Variants in VSTM2L observed in about 807,000 individuals in gnomAD.
The protein encoded by VSTM2L is V-set and transmembrane domain containing 2 like.
Under a neutral mutation model 19.9 loss-of-function variants are expected in VSTM2L, and 9 were observed. The ratio of observed to expected loss-of-function variants is 0.45; its 90% confidence interval spans 0.27 to 0.79. The LOEUF (loss-of-function observed/expected upper bound fraction) is 0.79. Ranked by LOEUF, VSTM2L falls within the 30% of genes least tolerant of loss-of-function variation. The pLI is 0.15. For synonymous variants in VSTM2L, 127 were observed against 133.8 expected (o/e 0.95, Z 0.35); for missense variants, 286 against 295.5 (o/e 0.97, Z 0.24).
rs769378638 is a variant in VSTM2L, at chr20:37,944,189, C to T, written c.551C>T (p.Pro184Leu). The T allele has an allele frequency of 1.2e-5, 18 of 1,540,430 alleles. No individual in the cohort carries two copies. Among genetic ancestry groups the T allele is most frequent in the South Asian group, 2.4e-5 (2 of 83,668 alleles). Reference sequence around the variant, plus strand: ...GCCCCTCCCGCCGCGCCCGCCCCGCCGCCCCCCAAGCCAGGCAAGGAGCTG... The same window carrying T: ...GCCCCTCCCGCCGCGCCCGCCCCGCTGCCCCCCAAGCCAGGCAAGGAGCTG... Reference protein sequence around the residue: ...PEAPPAAPAPPPPKPGKELRK... With the variant: ...PEAPPAAPAPLPPKPGKELRK... The change falls in exon 4 of 4, where the codon CCG becomes CTG. Residue 184 changes from proline to leucine, a missense_variant. Transcript: ENST00000373461.
At chr20:37,904,320 A>G (rs970771123) in intron 1 of VSTM2L, among the ~76,000 whole-genome samples, 2 of 152,144 alleles carry the variant, frequency 1.3e-5, no homozygotes, top group Non-Finnish European at 2.9e-5. Flanking sequence ...ATCCTTCCAT[A>G]GGGTACCCCC....
chr20:37,927,418 G>T, intron 1 of VSTM2L, among the ~76,000 whole-genome samples: 1 of 152,072 alleles, frequency 6.6e-6, no homozygotes, highest in East Asian at 1.9e-4. Flanking sequence ...GCCTTGCAGT[G>T]TGGCTTGCAT....
In VSTM2L at chr20:37,905,480, C is replaced by T. The variant is rs571243927; in HGVS notation, c.121+2009C>T. 3.3e-5 allele frequency among the ~76,000 whole-genome samples: 5 copies of T among 152,292 alleles called. No homozygotes were observed. In the South Asian group the frequency reaches 1.0e-3, roughly 32 times the overall value. ...GCTGAGGGGGCACAGCTCTGCCCAA[C>T]CAGCTGTAATCTCCCCTCTGCACCC... is the stretch of plus-strand genomic sequence containing the variant. On this transcript the variant is annotated intron_variant, in intron 1 of 3. Transcript: ENST00000373461.
At chr20:37,933,488 C>A in intron 2 of VSTM2L, 51 bp from the exon 3 acceptor site, 1 of 1,491,004 alleles carries the variant, frequency 6.7e-7, no homozygotes, top group Non-Finnish European at 9.3e-7. Context: ...CACCCCCACC[C>A]TGTGCTAACA....
intron 1 of VSTM2L, among the ~76,000 whole-genome samples, chr20:37,919,974 G>A (rs1283791761): frequency 6.6e-6 from 1 of 152,162 alleles, no homozygotes; most frequent in Non-Finnish European, 1.5e-5. Flanking sequence ...GCATAGAGGA[G>A]GGGCTTCCTT....
chr20:37,913,785 T>A (rs535847384), intron 1 of VSTM2L, among the ~76,000 whole-genome samples: 2 of 152,172 alleles, frequency 1.3e-5, no homozygotes, highest in South Asian at 4.2e-4. Context: ...ACCATGTGCA[T>A]GTATTTAGAA....
intron 3 of VSTM2L, among the ~76,000 whole-genome samples, chr20:37,935,907 G>A (rs994477684): frequency 7.6e-5 from 11 of 145,006 alleles, no homozygotes; most frequent in African/African-American, 2.8e-4. Flanking sequence ...TTTTTGAGAT[G>A]GAGTTTCACT....
Position 37,944,797 on chromosome 20 carries a change from T to C in VSTM2L, c.*544T>C, listed in dbSNP as rs530494546. 1 of 986,254 alleles carries C rather than the reference T, an allele frequency of 1.0e-6. No individual in the cohort carries two copies. Among genetic ancestry groups the C allele is most frequent in the South Asian group, 4.7e-5 (1 of 21,282 alleles). The allele number at this position is 986,254 out of a possible 1,614,324, so 61.1% of individuals were successfully genotyped here. A position where few individuals can be genotyped will look rare whatever the true frequency, so the allele number is the denominator to read the frequency against. ...TGGGGCAGTGGCTCTGCAGGGTCACTCATGGAGGCCTAGGGGAACAGCGAG... is the reference window on the plus strand; with the variant it reads ...TGGGGCAGTGGCTCTGCAGGGTCACCCATGGAGGCCTAGGGGAACAGCGAG... On this transcript the variant is annotated 3_prime_UTR_variant, in exon 4 of 4. Coordinates refer to ENST00000373461, the MANE Select transcript of VSTM2L (RefSeq NM_080607.3).
intron 1 of VSTM2L, among the ~76,000 whole-genome samples, chr20:37,905,487 T>G (rs1397598428): frequency 6.6e-6 from 1 of 152,132 alleles, no homozygotes; most frequent in Admixed American, 6.5e-5. Flanking sequence ...CAACCAGCTG[T>G]AATCTCCCCT....
At chr20:37,938,529 G>A (rs1219672046) in intron 3 of VSTM2L, among the ~76,000 whole-genome samples, 1 of 152,208 alleles carries the variant, frequency 6.6e-6, no homozygotes, top group Non-Finnish European at 1.5e-5. Flanking sequence ...TTCTGGCGTG[G>A]CTGGAAGACG....
intron 1 of VSTM2L, among the ~76,000 whole-genome samples, chr20:37,904,217 G>A (rs1007468575): frequency 6.6e-6 from 1 of 152,224 alleles, no homozygotes; most frequent in Non-Finnish European, 1.5e-5. Context: ...AGTAGTTGGG[G>A]TTGCTGCTTG....
chr20:37,921,838 CTTTTTTT>C (rs756122087), intron 1 of VSTM2L, among the ~76,000 whole-genome samples: 105 of 91,778 alleles, frequency 1.1e-3, no homozygotes, highest in Non-Finnish European at 1.7e-3. Flanking sequence ...CTTTCTTTTC[CTTTTTTT>C]TTTTTTTTTT....
intron 1 of VSTM2L, among the ~76,000 whole-genome samples, chr20:37,918,987 G>A (rs2072835507): frequency 6.6e-6 from 1 of 152,234 alleles, no homozygotes; most frequent in South Asian, 2.1e-4. Context: ...TGGCAGTCCA[G>A]GTTCAATCCC....
At position 37,922,890 on chromosome 20, in the gene VSTM2L, G is replaced by A. The variant is rs1402894176; in HGVS notation, c.122-8745G>A. ...AGAGCTAGAGGACCGGTGGGTGAGG[G>A]GCTGCAGGGCCCACGCGTGAGTAAA... is the stretch of plus-strand genomic sequence containing the variant. On this transcript the variant is annotated intron_variant, in intron 1 of 3. Transcript: ENST00000373461. Among the ~76,000 whole-genome samples, 17 of 151,698 alleles carry A rather than the reference G, an allele frequency of 1.1e-4. No homozygotes were observed. The East Asian group carries it at 3.1e-3, about 28-fold the overall frequency.
At chr20:37,924,570 AC>A (rs1303883384) in intron 1 of VSTM2L, among the ~76,000 whole-genome samples, 1,812 of 148,156 alleles carry the variant, frequency 0.012, 32 homozygotes, top group African/African-American at 0.039. Context: ...AAAAAAAAAA[AC>A]AAAACAAAAT....
intron 1 of VSTM2L, among the ~76,000 whole-genome samples, chr20:37,917,930 T>A (rs1475503317): frequency 6.6e-6 from 1 of 152,248 alleles, no homozygotes; most frequent in Non-Finnish European, 1.5e-5. Context: ...TATCCCATAA[T>A]ATATTCATGT....
chr20:37,917,993 A>C (rs1003294261), intron 1 of VSTM2L, among the ~76,000 whole-genome samples: 2 of 152,248 alleles, frequency 1.3e-5, no homozygotes, highest in African/African-American at 2.4e-5. Context: ...AGTGAAGTCA[A>C]TGCCTCAGGA....
At chr20:37,931,099 A>G (rs1413027893) in intron 1 of VSTM2L, among the ~76,000 whole-genome samples, 1 of 152,140 alleles carries the variant, frequency 6.6e-6, no homozygotes, top group East Asian at 1.9e-4. Context: ...CAGGACAGGG[A>G]GGAAGCCAGG....
Position 37,945,307 on chromosome 20 carries a change from G to T in VSTM2L, c.*1054G>T. ...TGGGTTGCCCTGTATACATGATCCA[G>T]TCTGTGACTACCAGCCAACCTGAAT... On this transcript the variant is annotated 3_prime_UTR_variant, in exon 4 of 4. Coordinates refer to ENST00000373461, the MANE Select transcript of VSTM2L (RefSeq NM_080607.3). 2 of 982,254 alleles carry T rather than the reference G, an allele frequency of 2.0e-6. No homozygotes were observed. Among genetic ancestry groups the T allele is most frequent in the Non-Finnish European group, 2.4e-6 (2 of 827,078 alleles). The allele number at this position is 982,254 out of a possible 1,614,324, so 60.8% of individuals were successfully genotyped here.
Sources: allele counts gnomAD v4.1 joint callset (sites outside exome capture counted in the v4.1 genomes callset), GRCh38; gene constraint gnomAD v4.1.1; transcripts MANE v1.5; gene names NCBI Gene and HGNC (gene_info 2026-07-23, HGNC 2026-07-21).